Variants in PYGB observed in about 807,000 individuals in gnomAD.
PYGB encodes glycogen phosphorylase, brain form.
PYGB carries 82 observed loss-of-function variants against 94.3 expected under a neutral mutation model. That is an observed-to-expected ratio of 0.87 (90% CI 0.73 to 1.04). The LOEUF (loss-of-function observed/expected upper bound fraction) is 1.04, where lower values mean the gene tolerates loss of function less well. Ranked by LOEUF, PYGB falls within the 50% of genes least tolerant of loss-of-function variation. The pLI, the probability that PYGB is intolerant of heterozygous loss-of-function variation, is 0.00. For synonymous variants in PYGB, 488 were observed against 479.1 expected (o/e 1.02, Z -0.24); for missense variants, 1,132 against 1,158.2 (o/e 0.98, Z 0.33).
intron 14 of PYGB, 136 bp from the exon 15 acceptor site, chr20:25,288,289 C>T (rs535700382): frequency 6.2e-5 from 62 of 1,007,992 alleles, no homozygotes; most frequent in East Asian, 4.8e-4. Flanking sequence ...CACTGTCACC[C>T]GTGTCTCTGG....
chr20:25,294,825 T>C (rs959145839), intron 18 of PYGB: 3 of 818,092 alleles, frequency 3.7e-6, no homozygotes, highest in Non-Finnish European at 6.4e-6. Context: ...CTTTGTAAGG[T>C]TTGCAGCTCA....
intron 2 of PYGB, among the ~76,000 whole-genome samples, chr20:25,262,053 CT>C (rs983854921): frequency 1.3e-5 from 2 of 152,190 alleles, no homozygotes; most frequent in African/African-American, 4.8e-5. Flanking sequence ...GGAAAACACT[CT>C]TCAGGATATT....
At chr20:25,265,676 G>A (rs986849908) in intron 2 of PYGB, among the ~76,000 whole-genome samples, 1 of 150,428 alleles carries the variant, frequency 6.6e-6, no homozygotes, top group African/African-American at 2.5e-5. Context: ...CTCACTGCAG[G>A]CTTCACCTCC....
chr20:25,276,696 C>T lies in PYGB; in HGVS notation c.711C>T (p.Asn237=), dbSNP rs200975788. 28 of 1,613,878 alleles carry T rather than the reference C, an allele frequency of 1.7e-5. No individual in the cohort carries two copies. Among genetic ancestry groups the T allele is most frequent in the Non-Finnish European group, 2.2e-5 (26 of 1,179,916 alleles). Residue 237 remains asparagine (N), a synonymous_variant, in exon 6 of 20, where the codon AAC becomes AAT. Coordinates refer to ENST00000216962, the MANE Select transcript of PYGB (RefSeq NM_002862.4). ...CCCCAGTGCCCGGCTACAAGAACAA[C>T]ACCGTCAACACCATGCGGCTGTGGT... ...YDTPVPGYKN[N]TVNTMRLWSA...
intron 1 of PYGB, among the ~76,000 whole-genome samples, chr20:25,258,058 G>T (rs1216675516): frequency 6.6e-6 from 1 of 152,120 alleles, no homozygotes; most frequent in Admixed American, 6.5e-5. Context: ...AAGGACTTTG[G>T]AATTTATACA....
intron 2 of PYGB, among the ~76,000 whole-genome samples, chr20:25,263,908 A>G (rs6050498): frequency 0.6 from 91,316 of 152,058 alleles, 28,778 homozygotes; most frequent in East Asian, 0.98. Context: ...AGAAAAAGAG[A>G]GAATCCTCCC....
chr20:25,295,749 C>G, intron 19 of PYGB, 79 bp downstream of exon 19: 1 of 1,454,790 alleles, frequency 6.9e-7, no homozygotes, highest in South Asian at 1.1e-5. Context: ...TGTTTATTTC[C>G]CAAGCTGAGT....
chr20:25,277,353 C>T (rs759288741), intron 7 of PYGB, 27 bp downstream of exon 7: 1 of 1,526,478 alleles, frequency 6.6e-7, no homozygotes, highest in Non-Finnish European at 9.1e-7. Flanking sequence ...GGCACTCTTG[C>T]TCAGGCCGTA....
intron 9 of PYGB, among the ~76,000 whole-genome samples, 174 bp from the exon 10 acceptor site, chr20:25,280,092 C>T (rs1047802609): frequency 5.3e-5 from 8 of 152,212 alleles, no homozygotes; most frequent in Non-Finnish European, 8.8e-5. Flanking sequence ...CTCTGGGCTG[C>T]GTGTCAGGCT....
intron 1 of PYGB, among the ~76,000 whole-genome samples, chr20:25,250,827 A>G (rs1473662282): frequency 6.6e-6 from 1 of 152,252 alleles, no homozygotes; most frequent in Admixed American, 6.5e-5. Context: ...TCCTGAAGGA[A>G]AAATTATTAC....
intron 17 of PYGB, 116 bp downstream of exon 17, chr20:25,292,729 A>C (rs1199041204): frequency 2.3e-6 from 3 of 1,296,260 alleles, no homozygotes; most frequent in Non-Finnish European, 3.2e-6. Context: ...TGCTAGGGTC[A>C]GTGCCCACCC....
chr20:25,278,284 A>ACTGGGTCATGGGGCATGT (rs775905555), intron 7 of PYGB, 35 bp from the exon 8 acceptor site: 2 of 960,308 alleles, frequency 2.1e-6, no homozygotes, highest in Middle Eastern at 3.4e-4. Context: ...AGAATGGCCC[A>ACTGGGTCATGGGGCATGT]GCCTGCACCC....
chr20:25,250,035 G>C (rs1273743851), intron 1 of PYGB, among the ~76,000 whole-genome samples: 2 of 152,128 alleles, frequency 1.3e-5, no homozygotes, highest in African/African-American at 4.8e-5. Context: ...ATCTTTAGTA[G>C]AGACGGGGTT....
In PYGB at chr20:25,295,664, G is replaced by A. The variant is rs1459252820; in HGVS notation, c.2373G>A (p.Leu791=). Residue 791 remains leucine (L), a synonymous_variant, in exon 19 of 20, where the codon CTG becomes CTA. Coordinates refer to ENST00000216962, the MANE Select transcript of PYGB (RefSeq NM_002862.4). The part of the protein sequence containing the change: ...YMQCQAQVDQ[L]YRNPKEWTKK... Reference sequence around the variant, plus strand: ...AGTGCCAGGCACAGGTGGACCAGCTGTACCGGGTGAGGCTCCTGGGTCCAG... The same window carrying A: ...AGTGCCAGGCACAGGTGGACCAGCTATACCGGGTGAGGCTCCTGGGTCCAG... The A allele has an allele frequency of 2.5e-6, 4 of 1,613,234 alleles. No individual in the cohort carries two copies. The highest frequency in any genetic ancestry group is 1.3e-5 in the African/African-American group (1 of 74,930).
rs762651598 is a variant in PYGB at position 25,248,176 on chromosome 20, G to T, written c.-3G>T. 2 of 1,589,098 alleles carry T rather than the reference G, an allele frequency of 1.3e-6. No homozygotes were observed. Among genetic ancestry groups the T allele is most frequent in the South Asian group, 1.1e-5 (1 of 88,354 alleles). ...TCTCTTTTCCTCCGCCTCCGCCGGC[G>T]CGATGGCGAAGCCGCTGACGGACAG... is the stretch of plus-strand genomic sequence containing the variant. On this transcript the variant is annotated 5_prime_UTR_variant, in exon 1 of 20. Transcript: ENST00000216962.
At position 25,271,447 on chromosome 20, in the gene PYGB, A is replaced by G. The variant is rs544185467; in HGVS notation, c.489A>G (p.Glu163=). ...LAAYGYGIRY[E]FGIFNQKIVN... ...CATACGGCTATGGAATCCGCTATGA[A>G]TTTGGGATTTTTAACCAGAAGATTG... is the stretch of plus-strand genomic sequence containing the variant. Residue 163 remains glutamate (E), a synonymous_variant, in exon 4 of 20, where the codon GAA becomes GAG. Coordinates refer to ENST00000216962, the MANE Select transcript of PYGB (RefSeq NM_002862.4). 4 of 1,614,142 alleles carry G rather than the reference A, an allele frequency of 2.5e-6. No individual in the cohort carries two copies. In the Admixed American group the frequency reaches 6.7e-5, roughly 27 times the overall value.
intron 2 of PYGB, among the ~76,000 whole-genome samples, chr20:25,265,226 G>A (rs2088206419): frequency 6.6e-6 from 1 of 152,198 alleles, no homozygotes; most frequent in Non-Finnish European, 1.5e-5. Context: ...CTAGCCATAT[G>A]TAGAAAGCTG....
At chr20:25,274,564 G>A (rs1409202157) in intron 4 of PYGB, 28 bp from the exon 5 acceptor site, 11 of 1,608,406 alleles carry the variant, frequency 6.8e-6, no homozygotes, top group South Asian at 1.1e-5. Flanking sequence ...CTGCGCTGAG[G>A]GTGCCCTCAC....
At chr20:25,288,075 C>A in intron 14 of PYGB, 1 of 409,862 alleles carries the variant, frequency 2.4e-6, no homozygotes, top group Non-Finnish European at 4.6e-6. Context: ...CTGTGTTGGG[C>A]TTTTCTGGAA....
Sources: allele counts gnomAD v4.1 joint callset (sites outside exome capture counted in the v4.1 genomes callset), GRCh38; gene constraint gnomAD v4.1.1; transcripts MANE v1.5; gene names NCBI Gene and HGNC (gene_info 2026-07-23, HGNC 2026-07-21).